Variants in ABCA4 observed in about 807,000 individuals in gnomAD.
The protein encoded by ABCA4 is retinal-specific phospholipid-transporting ATPase ABCA4.
Under a neutral mutation model 263.7 loss-of-function variants are expected in ABCA4, and 196 were observed. That is an observed-to-expected ratio of 0.74 (90% CI 0.66 to 0.84). The LOEUF (loss-of-function observed/expected upper bound fraction) is 0.84, where lower values mean the gene tolerates loss of function less well. Ranked by LOEUF, ABCA4 falls within the 40% of genes least tolerant of loss-of-function variation. The probability of loss-of-function intolerance (pLI) is 0.00; values close to 1 mark genes in which losing one functional copy is unlikely to be tolerated. For synonymous variants in ABCA4, 1,133 were observed against 1,094.2 expected (o/e 1.04, Z -0.70); for missense variants, 2,792 against 2,855.1 (o/e 0.98, Z 0.50).
At chr1:94,005,000 CT>C (rs1375498530) in intron 44 of ABCA4, among the ~76,000 whole-genome samples, 1 of 152,156 alleles carries the variant, frequency 6.6e-6, no homozygotes, top group Non-Finnish European at 1.5e-5. Context: ...TTTTCTTCTT[CT>C]TTTTTATAGT....
rs17110962 is a variant in ABCA4 at position 94,061,788 on chromosome 1, T to C, written c.1937+789A>G. 5.4e-3 allele frequency among the ~76,000 whole-genome samples: 822 copies of C among 152,308 alleles called. 5 individuals carry two copies. The highest frequency in any genetic ancestry group is 0.019 in the African/African-American group (786 of 41,560). On this transcript the variant is annotated intron_variant, in intron 13 of 49. Transcript: ENST00000370225. ...TAACTGCAGACTGGCCACTGTTATC[T>C]CAAGTTTTCTGTAGAGCTGAGGCTG...
Position 94,047,016 on chromosome 1 carries a change from A to G in ABCA4, c.2821T>C (p.Cys941Arg). Residue 941 changes from cysteine (C) to arginine (R), a missense_variant, in exon 19 of 50, where the codon TGT becomes CGT. Physicochemically the swap from Cys to Arg is radical, Grantham distance 180. Coordinates refer to ENST00000370225, the MANE Select transcript of ABCA4 (RefSeq NM_000350.3). ...VKNLVKIFEP[C>R]GRPAVDRLNI... ...AGACGGTCCACAGCTGGCCGGCCAC[A>G]GGGCTCAAAAATCTTTACCAGATTC... 6.2e-7 allele frequency: 1 copy of G among 1,614,192 alleles called. No individual in the cohort carries two copies.
intron 6 of ABCA4, among the ~76,000 whole-genome samples, chr1:94,093,205 T>C (rs560940408): frequency 2.6e-5 from 4 of 152,238 alleles, no homozygotes; most frequent in East Asian, 1.9e-4. Context: ...TCGGTGTATA[T>C]TGAGACCGCT....
At chr1:94,005,310 AT>A (rs1659343034) in intron 44 of ABCA4, 130 bp downstream of exon 44, 5 of 1,232,062 alleles carry the variant, frequency 4.1e-6, no homozygotes, top group Non-Finnish European at 5.9e-6. Context: ...CAGTAGACAC[AT>A]AGTAAACATT....
At chr1:94,103,358 T>A (rs1019030645) in intron 4 of ABCA4, among the ~76,000 whole-genome samples, 2 of 151,552 alleles carry the variant, frequency 1.3e-5, no homozygotes, top group Non-Finnish European at 2.9e-5. Context: ...AGTAAGAAGG[T>A]GGAAAAAGTT....
intron 6 of ABCA4, among the ~76,000 whole-genome samples, chr1:94,089,836 T>C (rs1395763149): frequency 2.6e-5 from 4 of 152,248 alleles, no homozygotes; most frequent in Non-Finnish European, 5.9e-5. Context: ...AAAATACTTC[T>C]AATATTAAAT....
Position 94,055,092 on chromosome 1 carries a change from T to C in ABCA4, c.2587+19A>G. 5.6e-6 allele frequency: 9 copies of C among 1,610,174 alleles called. No individual in the cohort carries two copies. The highest frequency in any genetic ancestry group is 7.6e-6 in the Non-Finnish European group (9 of 1,176,528). On this transcript the variant is annotated intron_variant, in intron 16 of 49. Transcript: ENST00000370225. ...CTGAAGAACTCAATTACCTTTACCCTATAGAGGAGGATGCTTACCTGGAAA... is the reference window on the plus strand; with the variant it reads ...CTGAAGAACTCAATTACCTTTACCCCATAGAGGAGGATGCTTACCTGGAAA...
At chr1:93,996,653 G>A (rs1339165989) in intron 48 of ABCA4, among the ~76,000 whole-genome samples, 1 of 152,074 alleles carries the variant, frequency 6.6e-6, no homozygotes, top group East Asian at 1.9e-4. Flanking sequence ...TGTTTCCACT[G>A]CTTTACTGAA....
chr1:94,002,755 C>T (rs1659227226), intron 44 of ABCA4, among the ~76,000 whole-genome samples: 4 of 152,158 alleles, frequency 2.6e-5, no homozygotes, highest in Admixed American at 2.6e-4. Context: ...CTCCCTGGGC[C>T]ACCCTACCTC....
chr1:94,044,585 G>C, intron 20 of ABCA4, 28 bp downstream of exon 20: 1 of 1,614,168 alleles, frequency 6.2e-7, no homozygotes. Flanking sequence ...AGAGGGGATG[G>C]GGCGGTCTCA....
At chr1:94,038,810 G>A (rs1008307489) in intron 24 of ABCA4, among the ~76,000 whole-genome samples, 11 of 152,164 alleles carry the variant, frequency 7.2e-5, no homozygotes, top group African/African-American at 2.4e-4. Flanking sequence ...GTGAGTGTGT[G>A]TGTGGTATGT....
intron 47 of ABCA4, 50 bp downstream of exon 47, chr1:94,000,786 C>G: frequency 6.3e-7 from 1 of 1,575,522 alleles, no homozygotes; most frequent in South Asian, 1.1e-5. Context: ...ACACAGGATC[C>G]AGGTGGATCC....
chr1:94,099,012 A>C (rs765255785), intron 5 of ABCA4, 21 bp from the exon 6 acceptor site: 2 of 1,595,892 alleles, frequency 1.3e-6, no homozygotes, highest in Non-Finnish European at 1.7e-6. Flanking sequence ...AAGAGGCAAC[A>C]CTAGAAACTG....
chr1:94,091,357 A>C (rs1441129976), intron 6 of ABCA4, among the ~76,000 whole-genome samples: 2 of 152,126 alleles, frequency 1.3e-5, no homozygotes, highest in Admixed American at 6.6e-5. Flanking sequence ...GGAGCCCTCC[A>C]TATGTACCTG....
At chr1:94,102,970 G>A in intron 5 of ABCA4, 45 bp downstream of exon 5, 2 of 1,613,688 alleles carry the variant, frequency 1.2e-6, no homozygotes, top group Non-Finnish European at 1.7e-6. Flanking sequence ...CAGGCTGGGT[G>A]CTTCCCTCCC....
chr1:94,048,413 T>C (rs1215608173), intron 18 of ABCA4, among the ~76,000 whole-genome samples: 1 of 152,244 alleles, frequency 6.6e-6, no homozygotes, highest in East Asian at 1.9e-4. Context: ...ATGGTTTCAA[T>C]GAATGGCCTT....
At chr1:94,031,623 A>G (rs1660206999) in intron 27 of ABCA4, among the ~76,000 whole-genome samples, 155 bp downstream of exon 27, 1 of 152,166 alleles carries the variant, frequency 6.6e-6, no homozygotes, top group African/African-American at 2.4e-5. Context: ...AAGAATCAAG[A>G]TAAGGGTTTG....
chr1:94,062,807 C>A, intron 12 of ABCA4, 54 bp from the exon 13 acceptor site: 7 of 1,572,956 alleles, frequency 4.5e-6, no homozygotes, highest in Non-Finnish European at 6.1e-6. Flanking sequence ...AGCTCACTCA[C>A]ACCTCCCGAC....
In ABCA4 at chr1:94,059,831, A is replaced by T. The variant is rs563910286; in HGVS notation, c.2160+706T>A. The stretch of plus-strand genomic sequence containing the variant: ...ACTATCATCTACGGTGGAGGAGCTA[A>T]AAATGAAGGATAGCAGCGCATTGCA... On this transcript the variant is annotated intron_variant, in intron 14 of 49. Coordinates refer to ENST00000370225, the MANE Select transcript of ABCA4 (RefSeq NM_000350.3). Among the ~76,000 whole-genome samples the T allele has an allele frequency of 4.6e-5, 7 of 152,354 alleles. No homozygotes were observed. In the South Asian group the frequency reaches 1.5e-3, roughly 32 times the overall value.
Sources: gnomAD v4.1 joint callset for allele counts (sites outside exome capture counted in the v4.1 genomes callset) on GRCh38, gnomAD v4.1.1 for gene constraint, MANE v1.5 for transcripts, NCBI Gene and HGNC (gene_info 2026-07-23, HGNC 2026-07-21) for gene names.